Variants in MDGA2 observed in about 807,000 individuals in gnomAD.
The protein encoded by MDGA2 is MAM domain containing glycosylphosphatidylinositol anchor 2, also known as MAM domain-containing glycosylphosphatidylinositol anchor protein 2.
In MDGA2, 40 loss-of-function variants were observed where a neutral mutation model predicts 117.8. The ratio of observed to expected loss-of-function variants is 0.34; its 90% CI spans 0.26 to 0.44. MDGA2 has a LOEUF of 0.44. MDGA2 is among the 20% of genes least tolerant of loss of function. The probability of loss-of-function intolerance (pLI) is 1.00; values close to 1 mark genes in which losing one functional copy is unlikely to be tolerated. For missense variants in MDGA2, 1,123 were observed against 1,250.6 expected (o/e 0.90, Z 1.54); for synonymous variants, 452 against 439.0 (o/e 1.03, Z -0.37).
intron 1 of MDGA2, among the ~76,000 whole-genome samples, chr14:47,554,872 T>C (rs1270728235): frequency 1.3e-5 from 2 of 152,208 alleles, no homozygotes; most frequent in African/African-American, 2.4e-5. Flanking sequence ...CTAGCTGTTA[T>C]GGACCTATCT....
chr14:46,903,465 G>A (rs566250195), intron 10 of MDGA2, among the ~76,000 whole-genome samples: 27 of 152,194 alleles, frequency 1.8e-4, no homozygotes, highest in African/African-American at 6.3e-4. Flanking sequence ...AATTTTATTT[G>A]AATGATTTAG....
chr14:47,374,164 T>C (rs1303301256), intron 1 of MDGA2, among the ~76,000 whole-genome samples: 2 of 152,146 alleles, frequency 1.3e-5, no homozygotes, highest in Non-Finnish European at 2.9e-5. Flanking sequence ...ATGTTATGAC[T>C]ATGTAGTTTA....
intron 1 of MDGA2, among the ~76,000 whole-genome samples, chr14:47,631,812 T>C (rs550072210): frequency 6.6e-6 from 1 of 152,178 alleles, no homozygotes; most frequent in Non-Finnish European, 1.5e-5. Context: ...TTTCTCATAA[T>C]ATCTAATGCA....
chr14:47,421,252 C>T (rs1892573105), intron 1 of MDGA2, among the ~76,000 whole-genome samples: 1 of 151,958 alleles, frequency 6.6e-6, no homozygotes, highest in Non-Finnish European at 1.5e-5. Context: ...CAAAGGGAGT[C>T]AAAGATTAAA....
At chr14:47,045,943 C>A (rs1889245780) in intron 7 of MDGA2, among the ~76,000 whole-genome samples, 2 of 141,088 alleles carry the variant, frequency 1.4e-5, no homozygotes, top group African/African-American at 5.3e-5. Flanking sequence ...CCAGCCTGGG[C>A]AACAGGGTGA....
intron 6 of MDGA2, among the ~76,000 whole-genome samples, chr14:47,095,691 G>A (rs759922270): frequency 4.2e-4 from 63 of 151,760 alleles, no homozygotes; most frequent in Non-Finnish European, 6.9e-4. Context: ...CAGATGGTAC[G>A]CTATTCATAG....
chr14:47,031,078 C>G (rs71418129), intron 8 of MDGA2, among the ~76,000 whole-genome samples: 260 of 152,004 alleles, frequency 1.7e-3, no homozygotes, highest in African/African-American at 5.7e-3. Context: ...GTAAGTAATT[C>G]AAAAAGTTTG....
At chr14:47,110,882 T>G (rs927743080) in intron 5 of MDGA2, among the ~76,000 whole-genome samples, 1 of 152,218 alleles carries the variant, frequency 6.6e-6, no homozygotes, top group African/African-American at 2.4e-5. Flanking sequence ...CATCAGGGGA[T>G]TAATTAGCTA....
At chr14:47,175,249 A>G (rs1209701635) in intron 3 of MDGA2, among the ~76,000 whole-genome samples, 1 of 151,818 alleles carries the variant, frequency 6.6e-6, no homozygotes, top group African/African-American at 2.4e-5. Context: ...ATTCCTTGTG[A>G]AACTATTCCA....
At chr14:46,844,848 A>C (rs1015785356) in intron 16 of MDGA2, among the ~76,000 whole-genome samples, 6 of 151,892 alleles carry the variant, frequency 4.0e-5, no homozygotes, top group Admixed American at 6.6e-5. Flanking sequence ...CATGAAAGTG[A>C]GTTTTCACTA....
intron 8 of MDGA2, among the ~76,000 whole-genome samples, chr14:46,984,983 C>T (rs1193401143): frequency 1.3e-5 from 2 of 151,994 alleles, no homozygotes; most frequent in East Asian, 1.9e-4. Flanking sequence ...AATATCAGTA[C>T]ATTTTTTTCA....
chr14:46,890,589 C>T (rs938149290), intron 10 of MDGA2, among the ~76,000 whole-genome samples: 4 of 152,052 alleles, frequency 2.6e-5, no homozygotes, highest in Non-Finnish European at 5.9e-5. Context: ...CAGTGGGTCT[C>T]TCAGTCTTTC....
chr14:47,324,509 G>A (rs1890083372), intron 1 of MDGA2, among the ~76,000 whole-genome samples: 1 of 152,076 alleles, frequency 6.6e-6, no homozygotes, highest in African/African-American at 2.4e-5. Context: ...AGTTCTCTGT[G>A]TATCTTTCTA....
At chr14:47,547,896 C>T (rs1004060067) in intron 1 of MDGA2, among the ~76,000 whole-genome samples, 1 of 152,106 alleles carries the variant, frequency 6.6e-6, no homozygotes, top group African/African-American at 2.4e-5. Flanking sequence ...AAAATCTTAA[C>T]CATCTAGTTA....
intron 1 of MDGA2, among the ~76,000 whole-genome samples, chr14:47,324,518 T>C (rs1209438113): frequency 6.6e-6 from 1 of 152,176 alleles, no homozygotes; most frequent in Non-Finnish European, 1.5e-5. Context: ...TGTATCTTTC[T>C]AGTCGCAGAA....
intron 1 of MDGA2, among the ~76,000 whole-genome samples, chr14:47,309,826 C>G (rs1353645399): frequency 1.3e-5 from 2 of 151,818 alleles, no homozygotes; most frequent in African/African-American, 4.8e-5. Context: ...AGTTTGTCAT[C>G]AAAAGAGAGC....
intron 1 of MDGA2, among the ~76,000 whole-genome samples, chr14:47,343,958 C>T (rs554948548): frequency 6.6e-6 from 1 of 152,266 alleles, no homozygotes; most frequent in East Asian, 1.9e-4. Context: ...ACTGATTTAT[C>T]CTGACTCTTG....
chr14:47,515,464 T>C (rs1419294563), intron 1 of MDGA2, among the ~76,000 whole-genome samples: 3 of 152,154 alleles, frequency 2.0e-5, no homozygotes, highest in Non-Finnish European at 4.4e-5. Context: ...TAGAGATCAA[T>C]GGGGCATTGC....
chr14:47,568,030 C>T (rs1778755237), intron 1 of MDGA2, among the ~76,000 whole-genome samples: 2 of 152,060 alleles, frequency 1.3e-5, no homozygotes, highest in Non-Finnish European at 1.5e-5. Flanking sequence ...CACTAAATCC[C>T]ATTTTCCTTC....
Sources: gnomAD v4.1 joint callset for allele counts (sites outside exome capture counted in the v4.1 genomes callset) on GRCh38, gnomAD v4.1.1 for gene constraint, MANE v1.5 for transcripts, NCBI Gene and HGNC (gene_info 2026-07-23, HGNC 2026-07-21) for gene names.